ZFYVE28: variants seen among roughly 807,000 people sequenced by gnomAD.
The protein encoded by ZFYVE28 is zinc finger FYVE-type containing 28, also known as lateral signaling target protein 2 homolog.
ZFYVE28 carries 40 observed loss-of-function variants against 82.1 expected under a neutral mutation model. That is an observed-to-expected ratio of 0.49 (90% CI 0.38 to 0.63). ZFYVE28 has a LOEUF of 0.63. ZFYVE28 is among the 30% of genes least tolerant of loss of function. The probability of loss-of-function intolerance (pLI) is 0.00; values close to 1 mark genes in which losing one functional copy is unlikely to be tolerated. For missense variants in ZFYVE28, 1,321 were observed against 1,242.1 expected (o/e 1.06, Z -0.96); for synonymous variants, 612 against 546.1 (o/e 1.12, Z -1.68).
chr4:2,290,514 G>A (rs1713468774), intron 8 of ZFYVE28, among the ~76,000 whole-genome samples: 1 of 152,168 alleles, frequency 6.6e-6, no homozygotes, highest in Admixed American at 6.5e-5. Context: ...AGGATGCAAC[G>A]CTGCTCACTG....
Position 2,337,355 on chromosome 4 carries a change from G to A in ZFYVE28, c.611+52C>T, listed in dbSNP as rs146377146. 5 of 1,514,706 alleles carry A rather than the reference G, an allele frequency of 3.3e-6. No homozygotes were observed. In the African/African-American group the frequency reaches 6.9e-5, roughly 21 times the overall value. 93.8% of individuals were successfully genotyped at this position (1,514,706 alleles called of 1,614,324 possible). ...GCCCTCTGCCCCGGGCCTGGAGTGA[G>A]GCAGGGACTCCCCAGATGCTGCCCC... On this transcript the variant is annotated intron_variant, in intron 5 of 12. Coordinates refer to ENST00000290974, the MANE Select transcript of ZFYVE28 (RefSeq NM_020972.3).
At position 2,404,857 on chromosome 4, in the gene ZFYVE28, C is replaced by CTTT. The variant is rs11404626; in HGVS notation, c.39+13425_39+13427dup. On this transcript the variant is annotated intron_variant, in intron 1 of 12. Coordinates refer to ENST00000290974, the MANE Select transcript of ZFYVE28 (RefSeq NM_020972.3). Reference sequence around the variant, plus strand: ...TGCATTTCACCCTCTCAGTCTCGCTCTTTTTTTTTTTTTTTTTTTTGAGAG... The same window carrying CTTT: ...TGCATTTCACCCTCTCAGTCTCGCTCTTTTTTTTTTTTTTTTTTTTTTTGAGAG... Among the ~76,000 whole-genome samples, 857 of 110,798 alleles carry CTTT rather than the reference C, an allele frequency of 7.7e-3. 25 individuals are homozygous for CTTT. Among genetic ancestry groups the CTTT allele is most frequent in the Middle Eastern group, 0.019 (3 of 156 alleles). The allele number at this position is 110,798 out of a possible 152,430, so 72.7% of individuals were successfully genotyped here.
In ZFYVE28 at chr4:2,340,820, C is replaced by T. The variant is rs533425971; in HGVS notation, c.318+658G>A. ...GGGGTGGGCAGGGTGGACACAGGGA[C>T]GGGGCAGCGTGGGATGAAGACTCCG... On this transcript the variant is annotated intron_variant, in intron 3 of 12. Coordinates refer to ENST00000290974, the MANE Select transcript of ZFYVE28 (RefSeq NM_020972.3). 3.9e-5 allele frequency among the ~76,000 whole-genome samples: 6 copies of T among 152,074 alleles called. No homozygotes were observed. In the South Asian group the frequency reaches 8.3e-4, roughly 21 times the overall value.
At chr4:2,346,978 A>G (rs1723695973) in intron 2 of ZFYVE28, among the ~76,000 whole-genome samples, 1 of 152,228 alleles carries the variant, frequency 6.6e-6, no homozygotes, top group Non-Finnish European at 1.5e-5. Flanking sequence ...CCCAAATAAA[A>G]GACAGATTTT....
intron 6 of ZFYVE28, among the ~76,000 whole-genome samples, chr4:2,334,095 GCCTC>G (rs1192571264): frequency 1.3e-5 from 2 of 152,140 alleles, no homozygotes; most frequent in Non-Finnish European, 2.9e-5. Context: ...GGATTTCCGA[GCCTC>G]CCTCTGGCGC....
chr4:2,368,222 A>AAAAAAAAAAAAC (rs1727115538), intron 1 of ZFYVE28, among the ~76,000 whole-genome samples: 1 of 150,058 alleles, frequency 6.7e-6, no homozygotes, highest in South Asian at 2.1e-4. Context: ...AAAAAAAAAA[A>AAAAAAAAAAAAC]AAAAAAAACA....
At position 2,408,863 on chromosome 4, in the gene ZFYVE28, T is replaced by G. The variant is rs1269787083; in HGVS notation, c.39+9422A>C. Among the ~76,000 whole-genome samples, 1 of 152,186 alleles carries G rather than the reference T, an allele frequency of 6.6e-6. No homozygotes were observed. The highest frequency in any genetic ancestry group is 1.5e-5 in the Non-Finnish European group (1 of 68,022). The stretch of plus-strand genomic sequence containing the variant: ...ACCCAATCCTGACGTGGGGCAGCAG[T>G]GATGGTTTGAAGCTCTCAGTTCCCG... On this transcript the variant is annotated intron_variant, in intron 1 of 12. Transcript: ENST00000290974. This position sits in a 1 kb window ranked among gnomAD's most constrained non-coding sequence, Gnocchi z 4.3.
At chr4:2,328,988 C>T in intron 6 of ZFYVE28, 1 of 610,412 alleles carries the variant, frequency 1.6e-6, no homozygotes, top group South Asian at 1.9e-5. Context: ...GTCTATACAT[C>T]TATCTTTATG....
chr4:2,280,662 G>A (rs547317941), intron 8 of ZFYVE28, among the ~76,000 whole-genome samples: 28 of 152,240 alleles, frequency 1.8e-4, no homozygotes, highest in South Asian at 1.0e-3. Flanking sequence ...AAGTCTCATC[G>A]CGGATCAAGT....
intron 6 of ZFYVE28, chr4:2,328,536 A>C (rs1010984775): frequency 6.6e-6 from 1 of 152,222 alleles, no homozygotes; most frequent in African/African-American, 2.4e-5. Flanking sequence ...AGTAAATTTA[A>C]AATGATCTCA....
chr4:2,329,151 CA>C, intron 6 of ZFYVE28: 2 of 695,818 alleles, frequency 2.9e-6, no homozygotes, highest in Non-Finnish European at 5.3e-6. Flanking sequence ...TTCTGCAAAA[CA>C]AAAAGGCCAA....
At chr4:2,294,136 C>T (rs919988394) in intron 8 of ZFYVE28, among the ~76,000 whole-genome samples, 1 of 147,848 alleles carries the variant, frequency 6.8e-6, no homozygotes, top group Non-Finnish European at 1.5e-5. Flanking sequence ...AGAAAGGAGA[C>T]AGAATAGCCA....
At chr4:2,316,148 T>TCTTC (rs1037330911) in intron 7 of ZFYVE28, 4 of 152,626 alleles carry the variant, frequency 2.6e-5, no homozygotes, top group African/African-American at 7.2e-5. Context: ...GTCATTTTTT[T>TCTTC]CTTCCTTCCT....
intron 6 of ZFYVE28, chr4:2,329,060 T>G: frequency 1.4e-6 from 1 of 693,834 alleles, no homozygotes; most frequent in Non-Finnish European, 2.6e-6. Flanking sequence ...AATCTTCCAA[T>G]TTTGTTTTTG....
intron 6 of ZFYVE28, among the ~76,000 whole-genome samples, chr4:2,325,582 T>C (rs1719735360): frequency 6.7e-6 from 1 of 149,232 alleles, no homozygotes; most frequent in African/African-American, 2.5e-5. Context: ...CCCCTTGTCT[T>C]TAAATCTTAC....
chr4:2,404,544 C>G (rs1731613564), intron 1 of ZFYVE28, among the ~76,000 whole-genome samples: 1 of 152,172 alleles, frequency 6.6e-6, no homozygotes, highest in South Asian at 2.1e-4. Context: ...CTAACACATG[C>G]TACAACATGG....
rs139105946 is a variant in ZFYVE28 at position 2,418,215 on chromosome 4, C to A, written c.39+70G>T. 635 of 1,435,242 alleles carry A rather than the reference C, an allele frequency of 4.4e-4. 4 individuals carry two copies. In the African/African-American group the frequency reaches 8.0e-3, roughly 18 times the overall value. 88.9% of individuals were successfully genotyped at this position (1,435,242 alleles called of 1,614,324 possible). On this transcript the variant is annotated intron_variant, in intron 1 of 12. Transcript: ENST00000290974. The surrounding 1 kb of genome is among the most constrained non-coding windows in gnomAD (Gnocchi z 4.6). ...GGGAAAGGGAGTCCGTCTTGTAGGG[C>A]GGACGGGCGGTCCTGGGGAAGGGAG... is the stretch of plus-strand genomic sequence containing the variant.
At chr4:2,405,877 C>T (rs886880182) in intron 1 of ZFYVE28, among the ~76,000 whole-genome samples, 36 of 149,624 alleles carry the variant, frequency 2.4e-4, no homozygotes, top group Admixed American at 2.0e-3. Flanking sequence ...GTGAAACCCC[C>T]ATCTCTACTA....
At chr4:2,301,971 A>G (rs547824500) in intron 8 of ZFYVE28, among the ~76,000 whole-genome samples, 1 of 152,316 alleles carries the variant, frequency 6.6e-6, no homozygotes, top group African/African-American at 2.4e-5. Context: ...AGCCCAAGCC[A>G]GCACTTGGGC....
Sources: gnomAD v4.1 joint callset for allele counts (sites outside exome capture counted in the v4.1 genomes callset) on GRCh38, gnomAD v4.1.1 for gene constraint, Gnocchi (gnomAD v3.1) non-coding constraint, MANE v1.5 for transcripts, NCBI Gene and HGNC (gene_info 2026-07-23, HGNC 2026-07-21) for gene names.